TMEM132D: variants seen among roughly 807,000 people sequenced by gnomAD.
The protein encoded by TMEM132D is transmembrane protein 132D, also known as mature OL transmembrane protein.
A neutral mutation model predicts 62.3 loss-of-function variants in TMEM132D; 21 were observed. The observed-to-expected ratio is 0.34, with a 90% CI of 0.24 to 0.49. The LOEUF (loss-of-function observed/expected upper bound fraction) is 0.49, where lower values mean the gene tolerates loss of function less well. TMEM132D is among the 20% of genes least tolerant of loss of function. The pLI is 0.99. For synonymous variants in TMEM132D, 621 were observed against 575.6 expected, an observed-to-expected ratio of 1.08 and a Z score of -1.13; for missense variants, 1,346 against 1,402.8, an observed-to-expected ratio of 0.96 and a Z score of 0.65.
chr12:129,667,910 T>TA (rs1274914303), intron 2 of TMEM132D, among the ~76,000 whole-genome samples: 1 of 151,892 alleles, frequency 6.6e-6, no homozygotes, highest in Non-Finnish European at 1.5e-5. Flanking sequence ...ACAGACTGTG[T>TA]ACCACAGAGG....
intron 5 of TMEM132D, among the ~76,000 whole-genome samples, chr12:129,202,940 T>A (rs1878747855): frequency 6.6e-6 from 1 of 152,202 alleles, no homozygotes; most frequent in Non-Finnish European, 1.5e-5. Context: ...TCAAACATAT[T>A]TAAGCAAATG....
chr12:129,374,302 C>T (rs1191865840), intron 3 of TMEM132D, among the ~76,000 whole-genome samples: 1 of 66,546 alleles, frequency 1.5e-5, no homozygotes, highest in Non-Finnish European at 3.2e-5. Flanking sequence ...AGAGATTGCC[C>T]CTTCTAGTAA....
At chr12:129,372,324 C>G (rs1004095019) in intron 3 of TMEM132D, among the ~76,000 whole-genome samples, 4 of 152,226 alleles carry the variant, frequency 2.6e-5, no homozygotes, top group Admixed American at 2.6e-4. Context: ...AGTCCATGGC[C>G]TGTTAGGAAC....
At chr12:129,442,648 G>T (rs567478353) in intron 3 of TMEM132D, among the ~76,000 whole-genome samples, 1 of 152,006 alleles carries the variant, frequency 6.6e-6, no homozygotes, top group African/African-American at 2.4e-5. Flanking sequence ...TGCTAGAAGC[G>T]GTTATAGTCT....
chr12:129,589,000 C>T (rs560637158), intron 2 of TMEM132D, among the ~76,000 whole-genome samples: 59 of 152,034 alleles, frequency 3.9e-4, no homozygotes, highest in African/African-American at 6.0e-4. Flanking sequence ...TGCAGTGGTT[C>T]GAATGGCTTG....
intron 1 of TMEM132D, among the ~76,000 whole-genome samples, chr12:129,828,229 C>A (rs1032047617): frequency 6.6e-6 from 1 of 152,044 alleles, no homozygotes; most frequent in Admixed American, 6.6e-5. Context: ...TTCATCTCAC[C>A]GAGCCAGAGA....
rs757029767 is a variant in TMEM132D, at chr12:129,081,984, G to A, written c.1698C>T (p.Arg566=). ...CGTGCTGGTACTGCAGGGTGCAGCC[G>A]CGGCCCCTCCGCTCATCATCCTCCT... ...EEEEDDERRG[R]GCTLQYQHAM... The change falls in exon 7 of 9, where the codon CGC becomes CGT. Residue 566 remains arginine (R), a synonymous_variant. Coordinates refer to ENST00000422113, the MANE Select transcript of TMEM132D (RefSeq NM_133448.3). The A allele has an allele frequency of 2.9e-5, 46 of 1,613,106 alleles. No homozygotes were observed. The highest frequency in any genetic ancestry group is 1.4e-4 in the South Asian group (13 of 91,010).
intron 2 of TMEM132D, among the ~76,000 whole-genome samples, chr12:129,566,953 A>C (rs903323913): frequency 5.9e-5 from 9 of 152,196 alleles, no homozygotes; most frequent in African/African-American, 2.2e-4. Context: ...TCCTGCTTCA[A>C]GTTGTTCCGC....
chr12:129,316,004 T>C (rs1024334255), intron 4 of TMEM132D, among the ~76,000 whole-genome samples: 42 of 152,174 alleles, frequency 2.8e-4, no homozygotes, highest in African/African-American at 8.9e-4. Flanking sequence ...TTTCATTTCT[T>C]CGTGAAGTTA....
intron 1 of TMEM132D, among the ~76,000 whole-genome samples, chr12:129,811,736 C>T (rs1177291959): frequency 2.6e-5 from 4 of 151,780 alleles, no homozygotes; most frequent in African/African-American, 9.7e-5. Context: ...CAGACAGATA[C>T]GGGGAGCAGG....
intron 3 of TMEM132D, among the ~76,000 whole-genome samples, chr12:129,338,690 G>A (rs112926211): frequency 0.041 from 6,204 of 152,266 alleles, 186 homozygotes; most frequent in Non-Finnish European, 0.063. Context: ...GCCAAACAAC[G>A]TCTACGTGTC....
intron 3 of TMEM132D, among the ~76,000 whole-genome samples, chr12:129,433,470 C>T (rs1872715390): frequency 6.6e-6 from 1 of 152,144 alleles, no homozygotes; most frequent in Admixed American, 6.6e-5. Context: ...TTTTCCTTCA[C>T]CTGGTTCAAG....
chr12:129,466,785 A>G (rs571630590), intron 3 of TMEM132D, among the ~76,000 whole-genome samples: 1 of 152,264 alleles, frequency 6.6e-6, no homozygotes, highest in African/African-American at 2.4e-5. Flanking sequence ...CTTAGGCTTG[A>G]ATGCTCTTTC....
At chr12:129,808,660 C>T (rs1872072688) in intron 1 of TMEM132D, among the ~76,000 whole-genome samples, 1 of 152,126 alleles carries the variant, frequency 6.6e-6, no homozygotes, top group South Asian at 2.1e-4. Context: ...TGAGTATTTT[C>T]AAACCTGAAA....
chr12:129,184,088 C>T (rs776701185), intron 5 of TMEM132D, among the ~76,000 whole-genome samples: 4 of 152,146 alleles, frequency 2.6e-5, no homozygotes, highest in Admixed American at 6.5e-5. Context: ...TCCTTAGGAA[C>T]GCCCTCTGAA....
At chr12:129,358,387 C>G (rs1870141509) in intron 3 of TMEM132D, among the ~76,000 whole-genome samples, 1 of 152,104 alleles carries the variant, frequency 6.6e-6, no homozygotes, top group Non-Finnish European at 1.5e-5. Flanking sequence ...CAGGTGGTGG[C>G]CTGGGACTGG....
intron 1 of TMEM132D, among the ~76,000 whole-genome samples, chr12:129,844,207 C>T (rs940922904): frequency 6.6e-6 from 1 of 152,182 alleles, no homozygotes; most frequent in Non-Finnish European, 1.5e-5. Context: ...GGGGATAAAT[C>T]TTATGAATGA....
chr12:129,596,309 T>C (rs1455553900), intron 2 of TMEM132D, among the ~76,000 whole-genome samples: 1 of 152,230 alleles, frequency 6.6e-6, no homozygotes, highest in Non-Finnish European at 1.5e-5. Context: ...AGGAGGCTAT[T>C]ATGATGGCTC....
At chr12:129,095,861 C>T (rs1263204796) in intron 5 of TMEM132D, among the ~76,000 whole-genome samples, 3 of 152,068 alleles carry the variant, frequency 2.0e-5, no homozygotes, top group Non-Finnish European at 4.4e-5. Flanking sequence ...GCCACCTGCT[C>T]CTTGGTATTT....
Sources: gnomAD v4.1 joint callset for allele counts (sites outside exome capture counted in the v4.1 genomes callset) on GRCh38, gnomAD v4.1.1 for gene constraint, MANE v1.5 for transcripts, NCBI Gene and HGNC (gene_info 2026-07-23, HGNC 2026-07-21) for gene names.